Variants in NIPAL2 observed in about 807,000 individuals in gnomAD.
NIPAL2 encodes NIPA like domain containing 2, also known as NIPA-like protein 2.
NIPAL2 carries 43 observed loss-of-function variants against 48.9 expected under a neutral mutation model. That is an observed-to-expected ratio of 0.88 (90% CI 0.69 to 1.13). NIPAL2 has a LOEUF of 1.13. NIPAL2 is among the 50% of genes most tolerant of loss of function. NIPAL2 has a pLI of 0.00. For missense variants in NIPAL2, 446 were observed against 461.4 expected, an observed-to-expected ratio of 0.97 and a Z score of 0.31; for synonymous variants, 167 against 174.6, an observed-to-expected ratio of 0.96 and a Z score of 0.34.
chr8:98,225,561 G>A (rs1315491562), intron 4 of NIPAL2, among the ~76,000 whole-genome samples: 1 of 152,192 alleles, frequency 6.6e-6, no homozygotes, highest in Non-Finnish European at 1.5e-5. Context: ...AAAATCTGCT[G>A]CCAGATGTAT....
At chr8:98,203,437 C>T (rs1396967883) in intron 7 of NIPAL2, among the ~76,000 whole-genome samples, 5 of 152,076 alleles carry the variant, frequency 3.3e-5, no homozygotes, top group African/African-American at 7.2e-5. Flanking sequence ...AATCATATTC[C>T]GAGGCCACAG....
At position 98,220,964 on chromosome 8, in the gene NIPAL2, C is replaced by CTTT. The variant is rs557824737; in HGVS notation, c.558+1512_558+1514dup. ...TATTTCTCTATCAGTTCATTTCATT[C>CTTT]TTTTTTTTTTTTTTTTTTTTTTTTT... is the stretch of plus-strand genomic sequence containing the variant. On this transcript the variant is annotated intron_variant, in intron 5 of 10. Transcript: ENST00000430223. 4.3e-3 allele frequency among the ~76,000 whole-genome samples: 296 copies of CTTT among 68,686 alleles called. 12 individuals are homozygous for CTTT. The highest frequency in any genetic ancestry group is 6.8e-3 in the African/African-American group (106 of 15,690). The allele number at this position is 68,686 out of a possible 152,430, so 45.1% of individuals were successfully genotyped here. A position where few individuals can be genotyped will look rare whatever the true frequency, so the allele number is the denominator to read the frequency against.
chr8:98,232,608 A>G (rs558084485), intron 4 of NIPAL2, among the ~76,000 whole-genome samples: 1 of 152,350 alleles, frequency 6.6e-6, no homozygotes, highest in South Asian at 2.1e-4. Context: ...TTTAAAGATT[A>G]GAAAATTGAG....
chr8:98,230,344 A>G (rs943488879), intron 4 of NIPAL2, among the ~76,000 whole-genome samples: 1 of 152,154 alleles, frequency 6.6e-6, no homozygotes, highest in Non-Finnish European at 1.5e-5. Context: ...TTTCCTTTAG[A>G]AGAGCACTCT....
At chr8:98,263,178 A>G (rs1189012924) in intron 1 of NIPAL2, among the ~76,000 whole-genome samples, 2 of 124,366 alleles carry the variant, frequency 1.6e-5, no homozygotes, top group East Asian at 2.2e-4. Flanking sequence ...AGAAAGCAGG[A>G]AAGATCCAAA....
chr8:98,194,765 A>T lies in NIPAL2; in HGVS notation c.1002T>A (p.His334Gln). Residue 334 changes from histidine to glutamine, a missense_variant, in exon 10 of 11, where the codon CAT (histidine) becomes CAA (glutamine). By Grantham distance (24) the His-to-Gln change is conservative (BLOSUM62 0). Transcript: ENST00000430223. The part of the protein sequence containing the change: ...FLVTRNREKE[H>Q]LQQSYIDFGN... The stretch of plus-strand genomic sequence containing the variant: ...CAAAATCAATATAAGACTGTTGCAG[A>T]TGTTCCTTTTCTCGATTTCTTGTGA... 6.3e-7 allele frequency: 1 copy of T among 1,577,888 alleles called. No homozygotes were observed. The highest frequency in any genetic ancestry group is 1.9e-5 in the Admixed American group (1 of 51,588).
intron 5 of NIPAL2, among the ~76,000 whole-genome samples, chr8:98,213,103 G>A (rs1452524436): frequency 6.6e-6 from 1 of 152,176 alleles, no homozygotes; most frequent in Non-Finnish European, 1.5e-5. Context: ...GGGATTTAGA[G>A]TAATATGACA....
chr8:98,257,797 G>C (rs1813997206), intron 1 of NIPAL2, among the ~76,000 whole-genome samples: 1 of 152,028 alleles, frequency 6.6e-6, no homozygotes, highest in Admixed American at 6.6e-5. Context: ...TTGATTCCAG[G>C]TCTTTAGATA....
At chr8:98,233,834 C>A (rs1040602701) in intron 4 of NIPAL2, among the ~76,000 whole-genome samples, 1 of 152,170 alleles carries the variant, frequency 6.6e-6, no homozygotes, top group African/African-American at 2.4e-5. Context: ...ACTTACTTTA[C>A]CTTTTTGTAT....
rs993114589 is a variant in NIPAL2, at chr8:98,190,862, A to G, written c.*2116T>C. The G allele has an allele frequency of 6.6e-6, 1 of 152,260 alleles. No individual in the cohort carries two copies. Among genetic ancestry groups the G allele is most frequent in the Non-Finnish European group, 1.5e-5 (1 of 68,056 alleles). 9.4% of individuals were successfully genotyped at this position (152,260 alleles called of 1,614,324 possible). On this transcript the variant is annotated 3_prime_UTR_variant, in exon 11 of 11. Transcript: ENST00000430223. The stretch of plus-strand genomic sequence containing the variant: ...AGTTGGCTAAAGGTCCTCAACTCAC[A>G]ATGCCAAGAGAAGGACTGAGTTGGC...
At chr8:98,264,407 A>T (rs1165869187) in intron 1 of NIPAL2, among the ~76,000 whole-genome samples, 1 of 144,634 alleles carries the variant, frequency 6.9e-6, no homozygotes, top group Non-Finnish European at 1.5e-5. Context: ...AAATCTCCTT[A>T]AGCTGATAAG....
At chr8:98,194,086 G>T (rs1265915676) in intron 10 of NIPAL2, among the ~76,000 whole-genome samples, 1 of 152,152 alleles carries the variant, frequency 6.6e-6, no homozygotes, top group Non-Finnish European at 1.5e-5. Context: ...AAACCTATAG[G>T]TCCCCCTACA....
intron 4 of NIPAL2, among the ~76,000 whole-genome samples, chr8:98,226,792 C>T (rs113911185): frequency 2.0e-5 from 3 of 152,172 alleles, no homozygotes; most frequent in African/African-American, 7.2e-5. Context: ...GCTCAAGGCC[C>T]TAGGGCTCTA....
intron 1 of NIPAL2, among the ~76,000 whole-genome samples, chr8:98,289,757 G>T (rs983325679): frequency 2.6e-5 from 4 of 152,028 alleles, no homozygotes; most frequent in Non-Finnish European, 4.4e-5. Flanking sequence ...AAACAAAATA[G>T]AAAAAGGATT....
intron 1 of NIPAL2, among the ~76,000 whole-genome samples, chr8:98,284,556 T>C (rs1277891151): frequency 6.6e-6 from 1 of 152,140 alleles, no homozygotes; most frequent in Non-Finnish European, 1.5e-5. Context: ...CTTACGGTTT[T>C]TCTTGAATGG....
intron 5 of NIPAL2, among the ~76,000 whole-genome samples, chr8:98,221,577 G>A (rs1811886200): frequency 6.6e-6 from 1 of 151,798 alleles, no homozygotes; most frequent in Non-Finnish European, 1.5e-5. Context: ...TTAAGTTCTG[G>A]GATACATGTG....
intron 1 of NIPAL2, among the ~76,000 whole-genome samples, chr8:98,265,025 T>C (rs1586440189): frequency 7.0e-6 from 1 of 142,396 alleles, no homozygotes; most frequent in East Asian, 2.1e-4. Context: ...AAACAAGCAA[T>C]GGGGAAAGGA....
Position 98,194,847 on chromosome 8 carries a change from A to G in NIPAL2, c.945-25T>C, listed in dbSNP as rs749440906. ...CCTGTAAGGATAATATTAATAAAGA[A>G]TACAAGAACACTGAAACAGACTCAT... is the stretch of plus-strand genomic sequence containing the variant. On this transcript the variant is annotated intron_variant, in intron 9 of 10. Coordinates refer to ENST00000430223, the MANE Select transcript of NIPAL2 (RefSeq NM_001321635.2). 7 of 1,355,058 alleles carry G rather than the reference A, an allele frequency of 5.2e-6. No individual in the cohort carries two copies. In the East Asian group the frequency reaches 1.2e-4, roughly 23 times the overall value. The allele number at this position is 1,355,058 out of a possible 1,614,324, so 83.9% of individuals were successfully genotyped here. A position where few individuals can be genotyped will look rare whatever the true frequency, so the allele number is the denominator to read the frequency against.
intron 3 of NIPAL2, among the ~76,000 whole-genome samples, chr8:98,244,324 GGGGTAGT>G (rs1563517678): frequency 0.011 from 983 of 88,844 alleles, 186 homozygotes; most frequent in African/African-American, 0.04. Flanking sequence ...GTGGTGATGA[GGGGTAGT>G]CTGTAATGAT....
Sources: allele counts gnomAD v4.1 joint callset (sites outside exome capture counted in the v4.1 genomes callset), GRCh38; gene constraint gnomAD v4.1.1; transcripts MANE v1.5; gene names NCBI Gene and HGNC (gene_info 2026-07-23, HGNC 2026-07-21).